PTPRM: variants seen among roughly 807,000 people sequenced by gnomAD.
PTPRM encodes protein tyrosine phosphatase receptor type M.
A neutral mutation model predicts 186.7 loss-of-function variants in PTPRM; 47 were observed. The observed-to-expected ratio is 0.25, with a 90% confidence interval of 0.20 to 0.32. The LOEUF (loss-of-function observed/expected upper bound fraction) is 0.32. Ranked by LOEUF, PTPRM falls within the 10% of genes least tolerant of loss-of-function variation. The pLI is 1.00. For synonymous variants in PTPRM, 668 were observed against 674.9 expected, an observed-to-expected ratio of 0.99 and a Z score of 0.16; for missense variants, 1,494 against 1,865.0, an observed-to-expected ratio of 0.80 and a Z score of 3.66.
intron 14 of PTPRM, among the ~76,000 whole-genome samples, chr18:8,236,413 A>G (rs1012892921): frequency 6.6e-6 from 1 of 152,180 alleles, no homozygotes; most frequent in Non-Finnish European, 1.5e-5. Flanking sequence ...GATTAGTGTT[A>G]GCATGGTACA....
intron 14 of PTPRM, among the ~76,000 whole-genome samples, chr18:8,148,527 T>A (rs2092933522): frequency 6.6e-6 from 1 of 152,204 alleles, no homozygotes; most frequent in Non-Finnish European, 1.5e-5. Flanking sequence ...CACATCTATT[T>A]GATCTTCTTT....
chr18:7,777,065 AGAAAT>A (rs2042622634), intron 2 of PTPRM, among the ~76,000 whole-genome samples: 1 of 152,246 alleles, frequency 6.6e-6, no homozygotes, highest in Non-Finnish European at 1.5e-5. Context: ...ATGCTAAAAC[AGAAAT>A]GACTCTTATG....
intron 1 of PTPRM, among the ~76,000 whole-genome samples, chr18:7,730,035 A>C (rs2040625497): frequency 6.6e-6 from 1 of 152,166 alleles, no homozygotes; most frequent in Non-Finnish European, 1.5e-5. Flanking sequence ...CTAGAGCCTC[A>C]CTGTAACACT....
chr18:8,331,063 CT>C (rs1350269314), intron 22 of PTPRM, among the ~76,000 whole-genome samples: 1 of 148,988 alleles, frequency 6.7e-6, no homozygotes, highest in Non-Finnish European at 1.5e-5. Context: ...ATGGGTCTGC[CT>C]TTCTCGACCT....
chr18:7,611,889 A>G (rs1030232930), intron 1 of PTPRM, among the ~76,000 whole-genome samples: 8 of 152,148 alleles, frequency 5.3e-5, no homozygotes, highest in African/African-American at 1.9e-4. Flanking sequence ...TCTTTTGTAA[A>G]TTGCCCAGTC....
chr18:7,669,726 A>T (rs922329004), intron 1 of PTPRM, among the ~76,000 whole-genome samples: 2 of 151,704 alleles, frequency 1.3e-5, no homozygotes, highest in African/African-American at 4.8e-5. Flanking sequence ...GCTATCTTTT[A>T]CTTTATTTTT....
chr18:8,049,491 A>G (rs2087310284), intron 7 of PTPRM: 1 of 152,188 alleles, frequency 6.6e-6, no homozygotes, highest in Non-Finnish European at 1.5e-5. Context: ...GAGTTGATTT[A>G]TGATCTAAAT....
chr18:8,042,724 T>C (rs2086770654), intron 7 of PTPRM, among the ~76,000 whole-genome samples: 1 of 152,048 alleles, frequency 6.6e-6, no homozygotes, highest in Non-Finnish European at 1.5e-5. Flanking sequence ...TAGGCTCTTG[T>C]CCCATTGTCC....
At chr18:7,783,220 G>T (rs1273458350) in intron 2 of PTPRM, among the ~76,000 whole-genome samples, 1 of 152,138 alleles carries the variant, frequency 6.6e-6, no homozygotes, top group African/African-American at 2.4e-5. Context: ...TCAGCAAGGG[G>T]ATGGTTATGC....
chr18:8,089,800 T>A (rs2090618020), intron 11 of PTPRM, among the ~76,000 whole-genome samples: 1 of 152,184 alleles, frequency 6.6e-6, no homozygotes, highest in Non-Finnish European at 1.5e-5. Flanking sequence ...TTTCTTTCTA[T>A]TCAGTAAAAT....
intron 7 of PTPRM, among the ~76,000 whole-genome samples, chr18:7,980,022 A>G (rs550566446): frequency 6.6e-6 from 1 of 152,172 alleles, no homozygotes; most frequent in South Asian, 2.1e-4. Context: ...TTCCCTGGAT[A>G]TCTCCAACTC....
At chr18:7,841,578 G>A (rs914464947) in intron 2 of PTPRM, among the ~76,000 whole-genome samples, 1 of 152,156 alleles carries the variant, frequency 6.6e-6, no homozygotes, top group Non-Finnish European at 1.5e-5. Flanking sequence ...ACAGGCGTGA[G>A]CCACCACGCC....
intron 22 of PTPRM, among the ~76,000 whole-genome samples, chr18:8,342,725 C>T (rs907405427): frequency 6.6e-6 from 1 of 152,098 alleles, no homozygotes; most frequent in African/African-American, 2.4e-5. Context: ...ATTTTAAATT[C>T]CAACTTTCTT....
At chr18:8,302,331 C>G (rs1019708528) in intron 20 of PTPRM, among the ~76,000 whole-genome samples, 1 of 152,028 alleles carries the variant, frequency 6.6e-6, no homozygotes, top group African/African-American at 2.4e-5. Flanking sequence ...CGGGGAGCCC[C>G]TTGGGTCTGA....
At chr18:8,160,458 TTTGTTGTTG>T (rs555423057) in intron 14 of PTPRM, among the ~76,000 whole-genome samples, 1 of 151,474 alleles carries the variant, frequency 6.6e-6, no homozygotes, top group African/African-American at 2.4e-5. Flanking sequence ...ATTTTGGGGT[TTTGTTGTTG>T]TTGTTGTTGT....
chr18:8,210,690 G>A (rs1011364207), intron 14 of PTPRM, among the ~76,000 whole-genome samples: 1 of 152,164 alleles, frequency 6.6e-6, no homozygotes, highest in African/African-American at 2.4e-5. Context: ...ATCTGGACTA[G>A]AGAAATAAAA....
rs1429027114 is a variant in PTPRM, at chr18:7,972,402, G to T, written c.1132+16988G>T. 3.7e-5 allele frequency among the ~76,000 whole-genome samples: 4 copies of T among 108,912 alleles called. No homozygotes were observed. The Admixed American group carries it at 4.5e-4, about 12-fold the overall frequency. 71.5% of individuals were successfully genotyped at this position (108,912 alleles called of 152,430 possible). On this transcript the variant is annotated intron_variant, in intron 7 of 32. Transcript: ENST00000580170. ...GGTGCAGCGCACCAGCATGGCACAT[G>T]TATACATATGTAACTAACCTGCACA...
At chr18:7,766,684 C>T (rs552896769) in intron 1 of PTPRM, among the ~76,000 whole-genome samples, 1 of 152,300 alleles carries the variant, frequency 6.6e-6, no homozygotes, top group Admixed American at 6.5e-5. Context: ...AGGGACCTGC[C>T]AGGGAGCTCA....
At chr18:7,791,885 A>G (rs541566265) in intron 2 of PTPRM, among the ~76,000 whole-genome samples, 47 of 152,338 alleles carry the variant, frequency 3.1e-4, no homozygotes, top group African/African-American at 1.1e-3. Flanking sequence ...GAATTAATCC[A>G]TAACAACTAG....
Sources: allele counts gnomAD v4.1 joint callset (sites outside exome capture counted in the v4.1 genomes callset), GRCh38; gene constraint gnomAD v4.1.1; transcripts MANE v1.5; gene names NCBI Gene and HGNC (gene_info 2026-07-23, HGNC 2026-07-21).